Variants in CDK5RAP2 observed in about 807,000 individuals in gnomAD.
CDK5RAP2 encodes the protein CDK5 regulatory subunit-associated protein 2.
CDK5RAP2 carries 147 observed loss-of-function variants against 232.9 expected under a neutral mutation model. The observed-to-expected ratio is 0.63, with a 90% CI of 0.55 to 0.72. CDK5RAP2 has a LOEUF of 0.72. CDK5RAP2 is among the 30% of genes least tolerant of loss of function. CDK5RAP2 has a pLI of 0.00. For missense variants in CDK5RAP2, 2,195 were observed against 2,231.5 expected (o/e 0.98, Z 0.33); for synonymous variants, 833 against 833.7 (o/e 1.00, Z 0.01).
chr9:120,576,057 G>T (rs905102713), intron 1 of CDK5RAP2, among the ~76,000 whole-genome samples: 1 of 152,064 alleles, frequency 6.6e-6, no homozygotes, highest in Non-Finnish European at 1.5e-5. Context: ...CTAAATCCTG[G>T]TTGCAACCTA....
chr9:120,502,500 T>C (rs1434127673), intron 12 of CDK5RAP2, among the ~76,000 whole-genome samples: 2 of 152,244 alleles, frequency 1.3e-5, no homozygotes, highest in African/African-American at 4.8e-5. Flanking sequence ...AATTTCCTTT[T>C]AATTTTTAAT....
chr9:120,544,253 T>G (rs1440410843), intron 5 of CDK5RAP2, among the ~76,000 whole-genome samples: 1 of 152,142 alleles, frequency 6.6e-6, no homozygotes. Flanking sequence ...AACTAAAAAC[T>G]AGTCCAAGCC....
Position 120,580,139 on chromosome 9 carries a change from T to C in CDK5RAP2, c.-161A>G. ...GGAATTCAAACCACAGACGCCGCCA[T>C]CTTTCCCGGCGCTTCTTCCTACGGA... is the stretch of plus-strand genomic sequence containing the variant. On this transcript the variant is annotated 5_prime_UTR_variant, in exon 1 of 38. It removes an upstream start codon present in the reference 5' UTR. Coordinates refer to ENST00000349780, the MANE Select transcript of CDK5RAP2 (RefSeq NM_018249.6). The C allele has an allele frequency of 1.7e-6, 1 of 588,158 alleles. No individual in the cohort carries two copies. The highest frequency in any genetic ancestry group is 3.1e-6 in the Non-Finnish European group (1 of 323,842). The allele number at this position is 588,158 out of a possible 1,614,324, so 36.4% of individuals were successfully genotyped here.
At chr9:120,459,287 C>T (rs943370479) in intron 19 of CDK5RAP2, among the ~76,000 whole-genome samples, 1 of 152,122 alleles carries the variant, frequency 6.6e-6, no homozygotes, top group South Asian at 2.1e-4. Context: ...CTAGTTAAAG[C>T]CTGTACTGGG....
rs1165871803 is a variant in CDK5RAP2 at position 120,527,900 on chromosome 9, T to C, written c.905A>G (p.Lys302Arg). Reference protein sequence around the residue: ...IQALEEDLREKEREIATEKKN... With the variant: ...IQALEEDLREREREIATEKKN... ...CTTCTCTGTAGCAATTTCTCTTTCC[T>C]TCTCTCTCAGGTCCTCTTCAAGTGC... The change falls in exon 10 of 38, where the codon AAG becomes AGG. Residue 302 changes from lysine (K) to arginine (R), a missense_variant. Transcript: ENST00000349780. 1 of 1,613,918 alleles carries C rather than the reference T, an allele frequency of 6.2e-7. No homozygotes were observed. Among genetic ancestry groups the C allele is most frequent in the Non-Finnish European group, 8.5e-7 (1 of 1,179,978 alleles).
chr9:120,569,697 ACT>A (rs2042778407), intron 2 of CDK5RAP2, among the ~76,000 whole-genome samples: 1 of 151,992 alleles, frequency 6.6e-6, no homozygotes, highest in Admixed American at 6.6e-5. Flanking sequence ...TCTTCTAAGG[ACT>A]CTGAGGAGCT....
At chr9:120,516,469 A>G (rs2040346044) in intron 12 of CDK5RAP2, among the ~76,000 whole-genome samples, 1 of 152,074 alleles carries the variant, frequency 6.6e-6, no homozygotes, top group East Asian at 1.9e-4. Context: ...ATACATATGT[A>G]ACAAACCTGC....
chr9:120,554,994 C>T (rs1304608446), intron 3 of CDK5RAP2, among the ~76,000 whole-genome samples: 1 of 151,978 alleles, frequency 6.6e-6, no homozygotes, highest in African/African-American at 2.4e-5. Context: ...AAATCATGTA[C>T]TAAGACATAA....
At chr9:120,566,365 A>G (rs1256633213) in intron 3 of CDK5RAP2, among the ~76,000 whole-genome samples, 1 of 152,222 alleles carries the variant, frequency 6.6e-6, no homozygotes, top group African/African-American at 2.4e-5. Flanking sequence ...TAATGCCATA[A>G]AAACCTAACA....
intron 10 of CDK5RAP2, among the ~76,000 whole-genome samples, chr9:120,526,672 T>C (rs570093001): frequency 8.6e-5 from 13 of 151,968 alleles, no homozygotes; most frequent in Admixed American, 2.0e-4. Context: ...TGCTTAAGAG[T>C]TTTCAGTGTC....
chr9:120,436,571 C>T (rs1458790012), intron 25 of CDK5RAP2, among the ~76,000 whole-genome samples: 1 of 152,102 alleles, frequency 6.6e-6, no homozygotes, highest in Non-Finnish European at 1.5e-5. Context: ...CGAGAATTTC[C>T]TTGGTCTGAG....
At chr9:120,424,624 C>CAAA (rs1262713347) in intron 25 of CDK5RAP2, among the ~76,000 whole-genome samples, 1 of 152,046 alleles carries the variant, frequency 6.6e-6, no homozygotes, top group Non-Finnish European at 1.5e-5. Context: ...CCCAGCCTTC[C>CAAA]AAAAAGCTTA....
chr9:120,572,911 G>A (rs1186375768), intron 1 of CDK5RAP2, among the ~76,000 whole-genome samples: 2 of 152,164 alleles, frequency 1.3e-5, no homozygotes, highest in Non-Finnish European at 2.9e-5. Context: ...ATTCCCTGAG[G>A]GTGCACACAT....
chr9:120,410,760 TAGCTCTGTG>T (rs2033798740), intron 29 of CDK5RAP2, among the ~76,000 whole-genome samples: 1 of 152,230 alleles, frequency 6.6e-6, no homozygotes, highest in African/African-American at 2.4e-5. Context: ...TACCACATTC[TAGCTCTGTG>T]ACCACAGGCC....
intron 16 of CDK5RAP2, among the ~76,000 whole-genome samples, chr9:120,470,798 G>T (rs2037657809): frequency 6.7e-6 from 1 of 150,108 alleles, no homozygotes; most frequent in Non-Finnish European, 1.5e-5. Context: ...ATAGGAAGGG[G>T]AGAAGTGGGG....
At chr9:120,393,657 A>G (rs1487676175) in intron 36 of CDK5RAP2, among the ~76,000 whole-genome samples, 4 of 152,196 alleles carry the variant, frequency 2.6e-5, no homozygotes, top group Non-Finnish European at 4.4e-5. Flanking sequence ...CTGCTCCTCT[A>G]AATGCAGCGG....
intron 18 of CDK5RAP2, among the ~76,000 whole-genome samples, chr9:120,465,643 T>C (rs965615459): frequency 6.6e-6 from 1 of 151,964 alleles, no homozygotes; most frequent in African/African-American, 2.4e-5. Flanking sequence ...ATTTTATGCC[T>C]ATTGCATATT....
chr9:120,489,132 G>A (rs2038761171), intron 13 of CDK5RAP2, among the ~76,000 whole-genome samples: 1 of 152,226 alleles, frequency 6.6e-6, no homozygotes, highest in Non-Finnish European at 1.5e-5. Context: ...CGCTGAATTG[G>A]AAATCACTTT....
chr9:120,493,494 T>C (rs2039007693), intron 12 of CDK5RAP2, among the ~76,000 whole-genome samples: 1 of 152,218 alleles, frequency 6.6e-6, no homozygotes, highest in Non-Finnish European at 1.5e-5. Flanking sequence ...TTATCACCAT[T>C]TGCAAATGAT....
Sources: allele counts gnomAD v4.1 joint callset (sites outside exome capture counted in the v4.1 genomes callset), GRCh38; gene constraint gnomAD v4.1.1; transcripts MANE v1.5; gene names NCBI Gene and HGNC (gene_info 2026-07-23, HGNC 2026-07-21).